XKR4: variants seen among roughly 807,000 people sequenced by gnomAD.
The protein encoded by XKR4 is XK-related protein 4.
A neutral mutation model predicts 53.9 loss-of-function variants in XKR4; 12 were observed. The observed-to-expected ratio is 0.22, with a 90% CI of 0.14 to 0.36. The LOEUF (loss-of-function observed/expected upper bound fraction) is 0.36. Ranked by LOEUF, XKR4 falls within the 10% of genes least tolerant of loss-of-function variation. The probability of loss-of-function intolerance (pLI) is 1.00; values close to 1 mark genes in which losing one functional copy is unlikely to be tolerated. For synonymous variants in XKR4, 354 were observed against 362.4 expected (o/e 0.98, Z 0.26); for missense variants, 799 against 859.5 (o/e 0.93, Z 0.88).
chr8:55,357,824 T>C lies in XKR4; in HGVS notation c.953T>C (p.Leu318Pro), dbSNP rs1283604980. The change falls in exon 2 of 3, where the codon CTG becomes CCG. Residue 318 changes from leucine to proline, a missense_variant. Leu to Pro is a moderately conservative substitution (Grantham distance 98, BLOSUM62 -3). Around this residue, in one of 3 missense-constraint regions of XKR4, gnomAD observed 476 missense variants for 505.4 expected, o/e 0.94. Coordinates refer to ENST00000327381, the MANE Select transcript of XKR4 (RefSeq NM_052898.2). The part of the protein sequence containing the change: ...LATFLESAPQ[L>P]VLQLCIIVQT... ...ACCTTTCTGGAAAGTGCTCCACAGC[T>C]GGTCCTGCAGCTCTGCATTATCGTA... 1 of 1,614,198 alleles carries C rather than the reference T, an allele frequency of 6.2e-7. No individual in the cohort carries two copies. The highest frequency in any genetic ancestry group is 1.1e-5 in the South Asian group (1 of 91,080).
At chr8:55,180,294 A>C (rs1412964310) in intron 1 of XKR4, among the ~76,000 whole-genome samples, 3 of 152,224 alleles carry the variant, frequency 2.0e-5, no homozygotes, top group Admixed American at 6.5e-5. Flanking sequence ...TACATGAATG[A>C]GCATAAATTG....
intron 2 of XKR4, among the ~76,000 whole-genome samples, chr8:55,369,035 G>C (rs1443559240): frequency 6.6e-6 from 1 of 151,872 alleles, no homozygotes; most frequent in Non-Finnish European, 1.5e-5. Context: ...ATGCATGAAG[G>C]AGAAGGTATA....
At chr8:55,418,586 C>G (rs945181423) in intron 2 of XKR4, among the ~76,000 whole-genome samples, 3 of 152,180 alleles carry the variant, frequency 2.0e-5, no homozygotes, top group African/African-American at 7.2e-5. Flanking sequence ...CTCTTCTGCC[C>G]TGTCCCCTCA....
At chr8:55,452,850 C>T (rs562790910) in intron 2 of XKR4, 207 of 769,494 alleles carry the variant, frequency 2.7e-4, no homozygotes, top group African/African-American at 2.0e-3. Context: ...CTGAAGCAGG[C>T]GGCTCTTGCT....
chr8:55,483,703 G>A (rs1806148965), intron 2 of XKR4, among the ~76,000 whole-genome samples: 1 of 151,998 alleles, frequency 6.6e-6, no homozygotes. Flanking sequence ...CACAGGTATA[G>A]CAGTGCTGAG....
At chr8:55,513,781 G>C (rs1309720199) in intron 2 of XKR4, among the ~76,000 whole-genome samples, 1 of 152,198 alleles carries the variant, frequency 6.6e-6, no homozygotes, top group East Asian at 1.9e-4. Context: ...AAGTTTCTTT[G>C]AGTTACCAGG....
intron 1 of XKR4, among the ~76,000 whole-genome samples, chr8:55,197,871 T>C (rs1817526033): frequency 1.3e-5 from 2 of 152,152 alleles, no homozygotes; most frequent in Admixed American, 1.3e-4. Context: ...AAAACAAAGT[T>C]TCATGACTAA....
chr8:55,321,516 T>C (rs1803212002), intron 1 of XKR4, among the ~76,000 whole-genome samples: 1 of 152,198 alleles, frequency 6.6e-6, no homozygotes, highest in Non-Finnish European at 1.5e-5. Flanking sequence ...ACCCTGGCCT[T>C]GACTCTGGGA....
Position 55,533,482 on chromosome 8 carries a change from T to G in XKR4, c.*9255T>G, listed in dbSNP as rs376270633. ...TGAAATATATTTTGAAAGCCTGGGG[T>G]GAAACATTTTCCACGGTCTGAATCG... On this transcript the variant is annotated 3_prime_UTR_variant, in exon 3 of 3. Coordinates refer to ENST00000327381, the MANE Select transcript of XKR4 (RefSeq NM_052898.2). 1.3e-5 allele frequency: 2 copies of G among 152,104 alleles called. No homozygotes were observed. Among genetic ancestry groups the G allele is most frequent in the East Asian group, 3.8e-4 (2 of 5,196 alleles). 9.4% of individuals were successfully genotyped at this position (152,104 alleles called of 1,614,324 possible). A position where few individuals can be genotyped will look rare whatever the true frequency, so the allele number is the denominator to read the frequency against.
At chr8:55,475,270 T>C (rs79609345) in intron 2 of XKR4, among the ~76,000 whole-genome samples, 9,441 of 152,206 alleles carry the variant, frequency 0.062, 441 homozygotes, top group Middle Eastern at 0.14. Context: ...CTATATGTGA[T>C]GGCCCAGGGT....
intron 1 of XKR4, among the ~76,000 whole-genome samples, chr8:55,265,672 A>G (rs536366276): frequency 3.3e-4 from 50 of 151,898 alleles, no homozygotes; most frequent in South Asian, 1.0e-3. Flanking sequence ...GAAAAATAGC[A>G]AGACCCTGTC....
At chr8:55,514,476 C>T (rs1286073725) in intron 2 of XKR4, among the ~76,000 whole-genome samples, 1 of 151,950 alleles carries the variant, frequency 6.6e-6, no homozygotes, top group African/African-American at 2.4e-5. Flanking sequence ...AGACTGGTCT[C>T]GAACTCCTGA....
intron 1 of XKR4, among the ~76,000 whole-genome samples, chr8:55,262,186 A>T (rs570876999): frequency 1.8e-4 from 27 of 152,362 alleles, no homozygotes; most frequent in Non-Finnish European, 3.5e-4. Context: ...TTAATGAAAC[A>T]TGTTAAGTAT....
chr8:55,474,104 T>C (rs1387260866), intron 2 of XKR4, among the ~76,000 whole-genome samples: 1 of 152,008 alleles, frequency 6.6e-6, no homozygotes, highest in Non-Finnish European at 1.5e-5. Flanking sequence ...AGAGACGTGG[T>C]CTCGCTATGT....
rs1197038808 is a variant in XKR4, at chr8:55,526,731, C to A, written c.*2504C>A. 2 of 152,182 alleles carry A rather than the reference C, an allele frequency of 1.3e-5. No individual in the cohort carries two copies. The highest frequency in any genetic ancestry group is 2.9e-5 in the Non-Finnish European group (2 of 68,032). The allele number at this position is 152,182 out of a possible 1,614,324, so 9.4% of individuals were successfully genotyped here. On this transcript the variant is annotated 3_prime_UTR_variant, in exon 3 of 3. Coordinates refer to ENST00000327381, the MANE Select transcript of XKR4 (RefSeq NM_052898.2). The stretch of plus-strand genomic sequence containing the variant: ...AATCAATCAACACAAACCCAACAGG[C>A]CCCATCATGCTTCAATCATGTAAGT...
intron 1 of XKR4, among the ~76,000 whole-genome samples, chr8:55,275,429 T>C (rs1422489675): frequency 2.6e-5 from 4 of 152,210 alleles, no homozygotes; most frequent in Non-Finnish European, 5.9e-5. Flanking sequence ...ATGGATATCT[T>C]TGACTCCTCC....
At chr8:55,367,162 A>G (rs950592157) in intron 2 of XKR4, among the ~76,000 whole-genome samples, 2 of 152,172 alleles carry the variant, frequency 1.3e-5, no homozygotes, top group Middle Eastern at 3.2e-3. Flanking sequence ...ACCGTTCTAC[A>G]TGTGATCACT....
At chr8:55,290,427 A>G (rs1385181991) in intron 1 of XKR4, among the ~76,000 whole-genome samples, 1 of 151,696 alleles carries the variant, frequency 6.6e-6, no homozygotes, top group African/African-American at 2.4e-5. Context: ...ACTTTATTTT[A>G]TTTTATTTTA....
chr8:55,401,602 G>C (rs74372890), intron 2 of XKR4, among the ~76,000 whole-genome samples: 3,934 of 152,322 alleles, frequency 0.026, 59 homozygotes, highest in African/African-American at 0.038. Context: ...CAAGCAAGCT[G>C]AAGCTCAGCA....
Sources: allele counts gnomAD v4.1 joint callset (sites outside exome capture counted in the v4.1 genomes callset), GRCh38; gene constraint gnomAD v4.1.1; regional missense constraint gnomAD v4.1.1; transcripts MANE v1.5; gene names NCBI Gene and HGNC (gene_info 2026-07-23, HGNC 2026-07-21).